Variants in MBNL1 observed in about 807,000 individuals in gnomAD.
MBNL1 encodes muscleblind-like protein 1.
Under a neutral mutation model 42.2 loss-of-function variants are expected in MBNL1, and 8 were observed. That is an observed-to-expected ratio of 0.19 (90% confidence interval 0.11 to 0.34). MBNL1 has a LOEUF of 0.34. Among genes scored for constraint, MBNL1 ranks in the 10% least tolerant of loss-of-function variants. The pLI is 1.00. For missense variants in MBNL1, 309 were observed against 495.3 expected, an observed-to-expected ratio of 0.62 and a Z score of 3.57; for synonymous variants, 169 against 173.9, an observed-to-expected ratio of 0.97 and a Z score of 0.22.
intron 2 of MBNL1, among the ~76,000 whole-genome samples, chr3:152,252,311 C>G (rs957955198): frequency 2.1e-5 from 3 of 140,840 alleles, no homozygotes; most frequent in African/African-American, 7.6e-5. Flanking sequence ...CTCCCTCTCT[C>G]TTTCTGGCTT....
chr3:152,418,600 T>C (rs1042504597), intron 3 of MBNL1, among the ~76,000 whole-genome samples: 1 of 91,608 alleles, frequency 1.1e-5, no homozygotes, highest in African/African-American at 4.3e-5. Context: ...GGTGTCAGAA[T>C]AAGACCCTGT....
intron 2 of MBNL1, among the ~76,000 whole-genome samples, chr3:152,353,257 G>A (rs1022378396): frequency 2.6e-5 from 4 of 152,190 alleles, no homozygotes; most frequent in African/African-American, 9.7e-5. Flanking sequence ...TTCCTCTGAT[G>A]TGTGGCTTCC....
chr3:152,375,590 C>T (rs1258985918), intron 2 of MBNL1, among the ~76,000 whole-genome samples: 1 of 152,150 alleles, frequency 6.6e-6, no homozygotes, highest in Non-Finnish European at 1.5e-5. Context: ...AGGTCTTCTT[C>T]ACATGTTTGG....
chr3:152,280,113 G>A (rs2047562081), intron 1 of MBNL1, among the ~76,000 whole-genome samples: 1 of 152,152 alleles, frequency 6.6e-6, no homozygotes, highest in Admixed American at 6.6e-5. Flanking sequence ...AATATTGATT[G>A]CAGTGCCAGT....
At chr3:152,312,919 T>C (rs2067759560) in intron 2 of MBNL1, among the ~76,000 whole-genome samples, 1 of 152,212 alleles carries the variant, frequency 6.6e-6, no homozygotes, top group Non-Finnish European at 1.5e-5. Context: ...ACAATGTGAC[T>C]ACCAGTGGTT....
intron 2 of MBNL1, among the ~76,000 whole-genome samples, chr3:152,326,221 C>A (rs1029156613): frequency 2.6e-5 from 4 of 152,124 alleles, no homozygotes; most frequent in African/African-American, 9.7e-5. Context: ...CAGTTAGCAT[C>A]TATGGTGTCA....
At chr3:152,296,214 C>G in intron 1 of MBNL1, among the ~76,000 whole-genome samples, 1 of 152,166 alleles carries the variant, frequency 6.6e-6, no homozygotes, top group East Asian at 1.9e-4. Context: ...CCTCTTCCTC[C>G]TGCCATGTCA....
intron 6 of MBNL1, among the ~76,000 whole-genome samples, chr3:152,452,313 A>G (rs187178896): frequency 6.0e-4 from 92 of 152,266 alleles, no homozygotes; most frequent in Admixed American, 5.2e-3. Flanking sequence ...CGTTGAAATT[A>G]AGTCTAGCTC....
At chr3:152,349,031 C>T (rs1228819857) in intron 2 of MBNL1, among the ~76,000 whole-genome samples, 1 of 151,924 alleles carries the variant, frequency 6.6e-6, no homozygotes, top group Non-Finnish European at 1.5e-5. Context: ...TGCATGGTTA[C>T]AAAAATAAAC....
At chr3:152,402,590 A>G (rs1358720536) in intron 2 of MBNL1, among the ~76,000 whole-genome samples, 1 of 152,192 alleles carries the variant, frequency 6.6e-6, no homozygotes, top group Admixed American at 6.5e-5. Flanking sequence ...GATACCTCTA[A>G]CAGGTGACCA....
intron 8 of MBNL1, chr3:152,458,105 G>A (rs1737357798): frequency 6.2e-7 from 1 of 1,610,004 alleles, no homozygotes; most frequent in East Asian, 2.2e-5. Flanking sequence ...GATTGGTGTT[G>A]AAGGTCCTTG....
chr3:152,321,349 C>A (rs1422515280), intron 2 of MBNL1, among the ~76,000 whole-genome samples: 1 of 152,052 alleles, frequency 6.6e-6, no homozygotes, highest in Non-Finnish European at 1.5e-5. Context: ...GACTTACTGG[C>A]CTTCTTCAGG....
intron 2 of MBNL1, among the ~76,000 whole-genome samples, chr3:152,325,743 AT>A (rs1321374785): frequency 4.0e-5 from 6 of 150,114 alleles, no homozygotes; most frequent in African/African-American, 1.5e-4. Flanking sequence ...GGTTAGAAAT[AT>A]TAAAAAAAAA....
At chr3:152,410,157 A>G (rs1180030773) in intron 2 of MBNL1, among the ~76,000 whole-genome samples, 3 of 152,104 alleles carry the variant, frequency 2.0e-5, no homozygotes, top group Non-Finnish European at 4.4e-5. Flanking sequence ...ATGTAAAGGT[A>G]TACTGTATTA....
intron 6 of MBNL1, among the ~76,000 whole-genome samples, chr3:152,453,797 TATA>T (rs576436730): frequency 3.2e-4 from 48 of 152,286 alleles, no homozygotes; most frequent in African/African-American, 1.2e-3. Context: ...AGAGAGATAG[TATA>T]AGGTTAACTC....
At chr3:152,338,349 A>G (rs1345839033) in intron 2 of MBNL1, 1 of 985,204 alleles carries the variant, frequency 1.0e-6, no homozygotes, top group Admixed American at 6.2e-5. Flanking sequence ...CATTGACAGA[A>G]CCTTGGGTTC....
At chr3:152,329,709 AATAT>A (rs1025598764) in intron 2 of MBNL1, among the ~76,000 whole-genome samples, 2 of 146,984 alleles carry the variant, frequency 1.4e-5, no homozygotes, top group South Asian at 4.2e-4. Context: ...ATATATATAT[AATAT>A]ATATGTCATA....
At chr3:152,302,035 T>G (rs2060915659) in intron 2 of MBNL1, 1 of 152,210 alleles carries the variant, frequency 6.6e-6, no homozygotes, top group South Asian at 2.1e-4. Context: ...GAAACATTAC[T>G]ATTCAGTTGC....
At chr3:152,261,721 C>T (rs2036312428) in intron 2 of MBNL1, among the ~76,000 whole-genome samples, 1 of 152,146 alleles carries the variant, frequency 6.6e-6, no homozygotes, top group Admixed American at 6.5e-5. Context: ...ATAATGACAG[C>T]ATGAAAAATC....
Sources: gnomAD v4.1 joint callset for allele counts (sites outside exome capture counted in the v4.1 genomes callset) on GRCh38, gnomAD v4.1.1 for gene constraint, MANE v1.5 for transcripts, NCBI Gene and HGNC (gene_info 2026-07-23, HGNC 2026-07-21) for gene names.